The following FBN2 variants were observed in gnomAD, a reference collection of about 807,000 sequenced individuals.
FBN2 encodes the protein fibrillin-2.
Under a neutral mutation model 355.6 loss-of-function variants are expected in FBN2, and 105 were observed. The ratio of observed to expected loss-of-function variants is 0.30; its 90% CI spans 0.25 to 0.35. The LOEUF (loss-of-function observed/expected upper bound fraction) is 0.35, where lower values mean the gene tolerates loss of function less well. Among genes scored for constraint, FBN2 ranks in the 10% least tolerant of loss-of-function variants. FBN2 has a pLI of 1.00. For missense variants in FBN2, 3,280 were observed against 3,758.7 expected (o/e 0.87, Z 3.33); for synonymous variants, 1,350 against 1,301.2 (o/e 1.04, Z -0.81).
intron 5 of FBN2, among the ~76,000 whole-genome samples, chr5:128,491,331 T>C (rs1755498725): frequency 6.6e-6 from 1 of 152,202 alleles, no homozygotes; most frequent in Non-Finnish European, 1.5e-5. Context: ...CAATAAGAGC[T>C]TTTTAGAACA....
intron 6 of FBN2, among the ~76,000 whole-genome samples, chr5:128,451,211 G>A (rs1754232318): frequency 6.6e-6 from 1 of 151,914 alleles, no homozygotes; most frequent in African/African-American, 2.4e-5. Context: ...CCTCCTATTA[G>A]CTATATCTAT....
intron 11 of FBN2, 28 bp from the exon 12 acceptor site, chr5:128,378,918 G>T: frequency 6.2e-7 from 1 of 1,612,048 alleles, no homozygotes; most frequent in South Asian, 1.1e-5. Context: ...AACCATTATA[G>T]ACTTCACTCC....
intron 4 of FBN2, among the ~76,000 whole-genome samples, chr5:128,526,422 C>A (rs1315915518): frequency 6.6e-6 from 1 of 152,100 alleles, no homozygotes; most frequent in Non-Finnish European, 1.5e-5. Flanking sequence ...GAACTTAAAG[C>A]AAGGGCCCAA....
intron 48 of FBN2, among the ~76,000 whole-genome samples, chr5:128,296,637 A>G (rs1230362298): frequency 3.3e-5 from 5 of 152,124 alleles, no homozygotes. Context: ...AGGTGTTTGT[A>G]GTATTCTCTG....
chr5:128,407,306 C>T (rs185958420), intron 8 of FBN2, among the ~76,000 whole-genome samples: 66 of 152,270 alleles, frequency 4.3e-4, no homozygotes, highest in Admixed American at 7.2e-4. Context: ...AATAACTATA[C>T]TTATCACACA....
At chr5:128,395,301 A>G in intron 8 of FBN2, 27 bp from the exon 9 acceptor site, 1 of 1,613,336 alleles carries the variant, frequency 6.2e-7, no homozygotes, top group Non-Finnish European at 8.5e-7. Flanking sequence ...AAGACAGAAG[A>G]TATGGCAGAA....
intron 34 of FBN2, among the ~76,000 whole-genome samples, chr5:128,325,650 G>C (rs561501192): frequency 6.6e-6 from 1 of 152,208 alleles, no homozygotes; most frequent in South Asian, 2.1e-4. Context: ...GAAAATGTTT[G>C]GTTGTTTAGT....
chr5:128,458,818 T>C (rs1754478674), intron 6 of FBN2, among the ~76,000 whole-genome samples: 1 of 152,152 alleles, frequency 6.6e-6, no homozygotes, highest in African/African-American at 2.4e-5. Context: ...AGGAAATTTA[T>C]AGCACTAAAT....
At chr5:128,537,292 G>A in intron 1 of FBN2, 58 bp downstream of exon 1, 1 of 1,600,552 alleles carries the variant, frequency 6.2e-7, no homozygotes. Flanking sequence ...CCGCCAAACT[G>A]AGGATTCCCC....
chr5:128,297,406 C>G lies in FBN2; in HGVS notation c.6166+3411G>C, dbSNP rs1275638707. The stretch of plus-strand genomic sequence containing the variant: ...CTGGGTATGCTTGTTGACCTTCTGT[C>G]TCGTTGATCTGTCTAATGTTGACAG... On this transcript the variant is annotated intron_variant, in intron 48 of 64. Transcript: ENST00000262464. Among the ~76,000 whole-genome samples the G allele has an allele frequency of 2.6e-5, 4 of 152,132 alleles. No individual in the cohort carries two copies. The East Asian group carries it at 7.7e-4, about 29-fold the overall frequency.
chr5:128,495,562 T>C (rs1174916083), intron 5 of FBN2, among the ~76,000 whole-genome samples: 3 of 152,086 alleles, frequency 2.0e-5, no homozygotes, highest in Non-Finnish European at 4.4e-5. Context: ...CTTTTTATCA[T>C]AACAATTAAG....
intron 5 of FBN2, among the ~76,000 whole-genome samples, chr5:128,483,609 T>C (rs2127113427): frequency 6.6e-6 from 1 of 152,196 alleles, no homozygotes; most frequent in East Asian, 1.9e-4. Flanking sequence ...TTTCAAGTTC[T>C]GAATTTTCAC....
chr5:128,303,887 A>T (rs1275651944), intron 45 of FBN2, among the ~76,000 whole-genome samples: 3 of 152,220 alleles, frequency 2.0e-5, no homozygotes, highest in African/African-American at 7.2e-5. Flanking sequence ...AGAAGCATGT[A>T]TAAACAAGCA....
At chr5:128,424,860 T>C (rs1753444876) in intron 7 of FBN2, among the ~76,000 whole-genome samples, 1 of 152,158 alleles carries the variant, frequency 6.6e-6, no homozygotes, top group Admixed American at 6.6e-5. Flanking sequence ...ATTATAACAG[T>C]CTGAAAGCTA....
At chr5:128,381,054 C>T (rs1303002862) in intron 11 of FBN2, among the ~76,000 whole-genome samples, 1 of 151,976 alleles carries the variant, frequency 6.6e-6, no homozygotes, top group African/African-American at 2.4e-5. Flanking sequence ...ACTTTATATG[C>T]CAACTTAGAA....
At chr5:128,431,040 T>C (rs1215343131) in intron 7 of FBN2, among the ~76,000 whole-genome samples, 1 of 152,232 alleles carries the variant, frequency 6.6e-6, no homozygotes, top group East Asian at 1.9e-4. Flanking sequence ...TCATGTCTTC[T>C]AATTTCAGGA....
chr5:128,331,271 T>A (rs1199235604), intron 32 of FBN2, among the ~76,000 whole-genome samples: 2 of 152,050 alleles, frequency 1.3e-5, no homozygotes, highest in Admixed American at 1.3e-4. Context: ...ATGCCCCCAT[T>A]GAGGAAGTAG....
chr5:128,515,302 T>G (rs1756251328), intron 5 of FBN2, among the ~76,000 whole-genome samples: 1 of 152,202 alleles, frequency 6.6e-6, no homozygotes, highest in African/African-American at 2.4e-5. Context: ...GTTGCCAGCA[T>G]GCACACCTGA....
At chr5:128,462,824 C>G (rs1040394905) in intron 6 of FBN2, among the ~76,000 whole-genome samples, 2 of 152,128 alleles carry the variant, frequency 1.3e-5, no homozygotes, top group Admixed American at 1.3e-4. Context: ...TGAACTGTTT[C>G]TTTCTCTGAA....
Sources: allele counts gnomAD v4.1 joint callset (sites outside exome capture counted in the v4.1 genomes callset), GRCh38; gene constraint gnomAD v4.1.1; transcripts MANE v1.5; gene names NCBI Gene and HGNC (gene_info 2026-07-23, HGNC 2026-07-21).